The following SPATA9 variants were observed in gnomAD, a reference collection of about 807,000 sequenced individuals.
SPATA9 encodes spermatogenesis-associated protein 9.
In SPATA9, 27 loss-of-function variants were observed where a neutral mutation model predicts 25.5. That is an observed-to-expected ratio of 1.06 (90% CI 0.78 to 1.46). The LOEUF (loss-of-function observed/expected upper bound fraction) is 1.46. Among genes scored for constraint, SPATA9 ranks in the 40% most tolerant of loss-of-function variants. The pLI, the probability that SPATA9 is intolerant of heterozygous loss-of-function variation, is 0.00. For missense variants in SPATA9, 282 were observed against 297.5 expected (o/e 0.95, Z 0.38); for synonymous variants, 102 against 105.7 (o/e 0.97, Z 0.21).
At chr5:95,715,021 T>G in the SPATA9 span, among the ~76,000 whole-genome samples, 4 of 152,182 alleles carry the variant, frequency 2.6e-5, no homozygotes, top group Non-Finnish European at 5.9e-5. Flanking sequence ...GACAGTCTGA[T>G]TATAAAATTT....
At chr5:95,696,289 A>G (rs1299668742) in intron 1 of SPATA9, among the ~76,000 whole-genome samples, 1 of 102,598 alleles carries the variant, frequency 9.7e-6, no homozygotes, top group African/African-American at 3.7e-5. Context: ...AATACAATTC[A>G]TTTAAAACTA....
rs6886595 is a variant in SPATA9 at position 95,667,413 on chromosome 5, G to T, written c.379-3365C>A. Among the ~76,000 whole-genome samples, 864 of 152,226 alleles carry T rather than the reference G, an allele frequency of 5.7e-3. 8 individuals carry two copies. Among genetic ancestry groups the T allele is most frequent in the African/African-American group, 0.02 (810 of 41,514 alleles). ...ACTCCTAGATGTAGGGATAGGTAGG[G>T]AAAGTTTCTGCCCACTCCCTCCATA... On this transcript the variant is annotated intron_variant, in intron 3 of 4. Transcript: ENST00000274432.
At chr5:95,684,536 A>T (rs1188150585), upstream of SPATA9, 3 of 152,252 alleles carry the variant, frequency 2.0e-5, no homozygotes, top group Admixed American at 2.0e-4. Flanking sequence ...ACTGCACTTA[A>T]AGCATAAGCA....
At chr5:95,714,108 A>G in the SPATA9 span, among the ~76,000 whole-genome samples, 1 of 152,036 alleles carries the variant, frequency 6.6e-6, no homozygotes, top group Non-Finnish European at 1.5e-5. Flanking sequence ...TATAAATTCC[A>G]TACATGCTGA....
intron 2 of SPATA9, among the ~76,000 whole-genome samples, chr5:95,679,791 A>G (rs1023283242): frequency 2.6e-5 from 4 of 152,246 alleles, no homozygotes; most frequent in African/African-American, 9.6e-5. Flanking sequence ...CTAGGAGTCC[A>G]TTCTACAAGT....
chr5:95,711,718 C>A, the SPATA9 span, among the ~76,000 whole-genome samples: 3 of 152,180 alleles, frequency 2.0e-5, no homozygotes, highest in East Asian at 5.8e-4. Flanking sequence ...GGAGCCGAAC[C>A]GGCAGAGGGT....
chr5:95,715,195 A>G, the SPATA9 span, among the ~76,000 whole-genome samples: 731 of 152,008 alleles, frequency 4.8e-3, 1 homozygote, highest in Non-Finnish European at 8.2e-3. Flanking sequence ...GTGGTGGTGC[A>G]TGCCTGTAGT....
At chr5:95,657,550 A>T (rs779051995), downstream of SPATA9, 22 of 152,124 alleles carry the variant, frequency 1.4e-4, no homozygotes, top group Non-Finnish European at 2.2e-4. Context: ...TTAAGAATCT[A>T]AATCTAATAC....
At chr5:95,683,710 T>C (rs986080151), upstream of SPATA9, among the ~76,000 whole-genome samples, 2 of 152,116 alleles carry the variant, frequency 1.3e-5, no homozygotes, top group African/African-American at 4.8e-5. Flanking sequence ...GCTAACTTTT[T>C]GCATTTTTAG....
At chr5:95,653,615 A>G (rs1750501566), downstream of SPATA9, among the ~76,000 whole-genome samples, 1 of 152,168 alleles carries the variant, frequency 6.6e-6, no homozygotes, top group South Asian at 2.1e-4. Context: ...TCCAGTATTT[A>G]TGGCCGGGCG....
chr5:95,727,569 C>T, the SPATA9 span, among the ~76,000 whole-genome samples: 5 of 152,156 alleles, frequency 3.3e-5, no homozygotes, highest in Non-Finnish European at 7.4e-5. Context: ...GGGTTGGAAG[C>T]CCTTCCTGTG....
At chr5:95,694,698 A>C (rs745646048) in intron 1 of SPATA9, among the ~76,000 whole-genome samples, 1 of 152,216 alleles carries the variant, frequency 6.6e-6, no homozygotes, top group Non-Finnish European at 1.5e-5. Context: ...TACTTTGTAC[A>C]AAAATAATTC....
At chr5:95,679,500 C>T (rs991549826) in intron 2 of SPATA9, among the ~76,000 whole-genome samples, 1 of 152,210 alleles carries the variant, frequency 6.6e-6, no homozygotes, top group South Asian at 2.1e-4. Flanking sequence ...CCTTACCTCT[C>T]ATGCTTAGCT....
At chr5:95,686,282 C>T (rs1276884229), upstream of SPATA9, among the ~76,000 whole-genome samples, 6 of 152,038 alleles carry the variant, frequency 3.9e-5, no homozygotes, top group African/African-American at 7.3e-5. Context: ...CTGTTCATTA[C>T]GTTTGTAAGA....
chr5:95,713,329 A>C, the SPATA9 span, among the ~76,000 whole-genome samples: 1 of 151,984 alleles, frequency 6.6e-6, no homozygotes, highest in Non-Finnish European at 1.5e-5. Flanking sequence ...GTCGAATTGT[A>C]ATTCCCAGTG....
the SPATA9 span, among the ~76,000 whole-genome samples, chr5:95,728,482 C>T: frequency 1.3e-5 from 2 of 152,200 alleles, no homozygotes; most frequent in Non-Finnish European, 2.9e-5. Context: ...GAACTTCTGA[C>T]ACAGAAAGCA....
At chr5:95,706,208 T>C in the SPATA9 span, among the ~76,000 whole-genome samples, 2 of 151,864 alleles carry the variant, frequency 1.3e-5, no homozygotes, top group African/African-American at 4.8e-5. Context: ...ACTGCCCAGT[T>C]CATATGGTTT....
At chr5:95,665,491 T>A (rs1308267658) in intron 3 of SPATA9, among the ~76,000 whole-genome samples, 1 of 152,232 alleles carries the variant, frequency 6.6e-6, no homozygotes, top group African/African-American at 2.4e-5. Flanking sequence ...TGTCTTTCTG[T>A]GCCTGGCTTA....
chr5:95,691,226 A>G (rs957786315), intron 1 of SPATA9, among the ~76,000 whole-genome samples: 1 of 151,966 alleles, frequency 6.6e-6, no homozygotes, highest in Non-Finnish European at 1.5e-5. Context: ...AAAAAAAAAA[A>G]AAAATTCATT....
Sources: gnomAD v4.1 joint callset for allele counts (sites outside exome capture counted in the v4.1 genomes callset) on GRCh38, gnomAD v4.1.1 for gene constraint, MANE v1.5 for transcripts, NCBI Gene and HGNC (gene_info 2026-07-23, HGNC 2026-07-21) for gene names.